Variants in NTN4 observed in about 807,000 individuals in gnomAD.
NTN4 encodes the protein netrin-4.
In NTN4, 32 loss-of-function variants were observed where a neutral mutation model predicts 73.6. The observed-to-expected ratio is 0.44, with a 90% CI of 0.33 to 0.58. NTN4 has a LOEUF of 0.58. NTN4 is among the 20% of genes least tolerant of loss of function. The pLI, the probability that NTN4 is intolerant of heterozygous loss-of-function variation, is 0.04. For synonymous variants in NTN4, 258 were observed against 287.5 expected (o/e 0.90, Z 1.04); for missense variants, 654 against 798.3 (o/e 0.82, Z 2.18).
intron 7 of NTN4, chr12:95,673,771 C>G (rs1262935434): frequency 6.6e-6 from 1 of 152,192 alleles, no homozygotes; most frequent in East Asian, 1.9e-4. Context: ...TCCTTGACCT[C>G]AGAGGAGTAG....
chr12:95,741,387 G>A (rs2078822518), intron 2 of NTN4, among the ~76,000 whole-genome samples: 1 of 126,784 alleles, frequency 7.9e-6, no homozygotes, highest in Non-Finnish European at 1.6e-5. Context: ...TCATAGGTAT[G>A]TATGTATAGG....
intron 3 of NTN4, 135 bp downstream of exon 3, chr12:95,737,731 G>T: frequency 2.7e-6 from 2 of 741,256 alleles, no homozygotes; most frequent in South Asian, 2.0e-5. Context: ...CACTTTATAG[G>T]ATGAGTATGG....
chr12:95,764,799 A>C (rs2079009957), intron 2 of NTN4, among the ~76,000 whole-genome samples: 1 of 152,188 alleles, frequency 6.6e-6, no homozygotes, highest in Non-Finnish European at 1.5e-5. Flanking sequence ...GTGTGTGTGA[A>C]AGTTTTGATT....
chr12:95,729,659 G>A (rs972425589), intron 3 of NTN4, among the ~76,000 whole-genome samples: 16 of 151,750 alleles, frequency 1.1e-4, no homozygotes, highest in African/African-American at 3.6e-4. Context: ...GTGTGTGTGT[G>A]TGTGTGTGTG....
intron 7 of NTN4, among the ~76,000 whole-genome samples, chr12:95,681,044 C>T (rs1169485217): frequency 3.3e-5 from 5 of 151,868 alleles, no homozygotes; most frequent in Admixed American, 2.6e-4. Flanking sequence ...AAAAAATTAG[C>T]CAGGTGTGGT....
chr12:95,765,195 T>C (rs1226460530), intron 2 of NTN4, among the ~76,000 whole-genome samples: 1 of 152,242 alleles, frequency 6.6e-6, no homozygotes, highest in Admixed American at 6.5e-5. Context: ...GTACTTGACA[T>C]TCATAACACA....
intron 3 of NTN4, among the ~76,000 whole-genome samples, chr12:95,724,767 T>C (rs1041051894): frequency 4.6e-5 from 7 of 152,190 alleles, no homozygotes; most frequent in Non-Finnish European, 4.4e-5. Flanking sequence ...TCAAGCCAAA[T>C]TGCTACTAGG....
At chr12:95,763,553 A>T (rs144682286) in intron 2 of NTN4, among the ~76,000 whole-genome samples, 1 of 152,324 alleles carries the variant, frequency 6.6e-6, no homozygotes, top group African/African-American at 2.4e-5. Context: ...TAAATTATCT[A>T]TAATGTCTCA....
intron 3 of NTN4, among the ~76,000 whole-genome samples, chr12:95,734,660 ATTAAT>A (rs1280415885): frequency 2.6e-5 from 4 of 152,242 alleles, no homozygotes; most frequent in Admixed American, 6.5e-5. Flanking sequence ...ATGTGGGACA[ATTAAT>A]CTATGCCTAT....
chr12:95,757,265 TGTG>T (rs1283915728), intron 2 of NTN4, among the ~76,000 whole-genome samples: 13 of 152,266 alleles, frequency 8.5e-5, no homozygotes, highest in African/African-American at 2.6e-4. Flanking sequence ...AAATCTATGA[TGTG>T]GTATTATCCA....
chr12:95,726,966 T>G (rs1010827920), intron 3 of NTN4, among the ~76,000 whole-genome samples: 3 of 119,514 alleles, frequency 2.5e-5, no homozygotes, highest in Non-Finnish European at 4.2e-5. Context: ...CAAGACTCTG[T>G]CTCAAAAAAA....
At chr12:95,753,021 C>T (rs1177958243) in intron 2 of NTN4, among the ~76,000 whole-genome samples, 2 of 152,172 alleles carry the variant, frequency 1.3e-5, no homozygotes, top group African/African-American at 4.8e-5. Context: ...TCTGGCCTCC[C>T]ACATTATTCC....
intron 5 of NTN4, among the ~76,000 whole-genome samples, chr12:95,703,094 T>C (rs143731048): frequency 0.022 from 3,392 of 152,176 alleles, 52 homozygotes; most frequent in East Asian, 0.043. Context: ...TGACCTCAGG[T>C]GATCCACCGG....
intron 5 of NTN4, among the ~76,000 whole-genome samples, chr12:95,697,490 G>T (rs952965870): frequency 2.6e-5 from 4 of 151,866 alleles, no homozygotes; most frequent in East Asian, 1.9e-4. Context: ...GATGGTTTTT[G>T]TTGGCCTATC....
intron 3 of NTN4, among the ~76,000 whole-genome samples, chr12:95,732,822 A>G (rs1290953511): frequency 6.6e-6 from 1 of 152,246 alleles, no homozygotes. Context: ...AACATGACAT[A>G]TGATATATGA....
Position 95,665,940 on chromosome 12 carries a change from A to G in NTN4, c.1620T>C (p.Thr540=), listed in dbSNP as rs759388242. 5.0e-6 allele frequency: 8 copies of G among 1,613,366 alleles called. 1 individual carries two copies. In the South Asian group the frequency reaches 8.8e-5, roughly 18 times the overall value. Residue 540 remains threonine (T), a synonymous_variant, in exon 9 of 10, where the codon ACT becomes ACC. Coordinates refer to ENST00000343702, the MANE Select transcript of NTN4 (RefSeq NM_021229.4). ...IKILSAHDKG[T]HVEVNVKIKK... is the part of the protein sequence containing the mutation. ...TAATCTTCACATTGACCTCAACATG[A>G]GTACCTTTATCATGAGCTGATAAAA...
At chr12:95,759,605 C>T (rs978503871) in intron 2 of NTN4, among the ~76,000 whole-genome samples, 1 of 150,668 alleles carries the variant, frequency 6.6e-6, no homozygotes, top group African/African-American at 2.4e-5. Flanking sequence ...GGATTACAGA[C>T]ACCTGTCACC....
chr12:95,716,400 C>T (rs945275372), intron 3 of NTN4, among the ~76,000 whole-genome samples: 11 of 152,156 alleles, frequency 7.2e-5, no homozygotes, highest in African/African-American at 1.4e-4. Flanking sequence ...GGTATGTGTT[C>T]GAGAGGTAGG....
chr12:95,779,787 A>C (rs2079119589), intron 2 of NTN4, among the ~76,000 whole-genome samples: 1 of 152,256 alleles, frequency 6.6e-6, no homozygotes, highest in Non-Finnish European at 1.5e-5. Context: ...GACTTTCTTC[A>C]CAAAATTGGA....
Sources: gnomAD v4.1 joint callset for allele counts (sites outside exome capture counted in the v4.1 genomes callset) on GRCh38, gnomAD v4.1.1 for gene constraint, MANE v1.5 for transcripts, NCBI Gene and HGNC (gene_info 2026-07-23, HGNC 2026-07-21) for gene names.